SLC30A8: variants seen among roughly 807,000 people sequenced by gnomAD.
The protein encoded by SLC30A8 is solute carrier family 30 member 8.
A neutral mutation model predicts 36.9 loss-of-function variants in SLC30A8; 27 were observed. That is an observed-to-expected ratio of 0.73 (90% CI 0.54 to 1.01). The LOEUF (loss-of-function observed/expected upper bound fraction) is 1.01. Ranked by LOEUF, SLC30A8 falls within the 50% of genes least tolerant of loss-of-function variation. The pLI, the probability that SLC30A8 is intolerant of heterozygous loss-of-function variation, is 0.00. For synonymous variants in SLC30A8, 164 were observed against 172.4 expected, an observed-to-expected ratio of 0.95 and a Z score of 0.38; for missense variants, 439 against 452.0, an observed-to-expected ratio of 0.97 and a Z score of 0.26.
chr8:117,040,272 A>G (rs766142995), intron 2 of SLC30A8, among the ~76,000 whole-genome samples: 6 of 152,154 alleles, frequency 3.9e-5, no homozygotes, highest in Non-Finnish European at 7.3e-5. Flanking sequence ...TAGTGAGTTT[A>G]ATTACTGGAA....
intron 1 of SLC30A8, among the ~76,000 whole-genome samples, chr8:116,966,460 A>G (rs1356237527): frequency 6.6e-6 from 1 of 152,196 alleles, no homozygotes; most frequent in Admixed American, 6.5e-5. Flanking sequence ...CCTATGAGAC[A>G]GAAGCAGGGA....
intron 2 of SLC30A8, among the ~76,000 whole-genome samples, chr8:117,109,248 A>G (rs1820124827): frequency 6.6e-6 from 1 of 152,172 alleles, no homozygotes; most frequent in African/African-American, 2.4e-5. Flanking sequence ...ATAATGGGGT[A>G]GGCATTATTC....
intron 2 of SLC30A8, chr8:117,128,445 TTG>T (rs972646121): frequency 6.6e-6 from 1 of 151,306 alleles, no homozygotes; most frequent in Non-Finnish European, 1.5e-5. Context: ...TTGTGTGTGC[TTG>T]TGTGTGCGCA....
At position 117,064,296 on chromosome 8, in the gene SLC30A8, T is replaced by G. The variant is rs1036229536; in HGVS notation, c.-226+25038T>G. ...CAGTCATGAGCCACTGGGTCTGACC[T>G]AAAATCCTTGATGTAGAGTGTTTAT... On this transcript the variant is annotated intron_variant, in intron 2 of 10. Coordinates refer to the SLC30A8 transcript ENST00000427715. Among the ~76,000 whole-genome samples the G allele has an allele frequency of 4.6e-5, 7 of 152,132 alleles. 1 individual carries two copies. The highest frequency in any genetic ancestry group is 4.6e-4 in the Admixed American group (7 of 15,268).
At chr8:117,135,792 A>T (rs1821333518) in intron 1 of SLC30A8, among the ~76,000 whole-genome samples, 2 of 152,072 alleles carry the variant, frequency 1.3e-5, no homozygotes, top group Non-Finnish European at 1.5e-5. Context: ...GGTTGTATTG[A>T]TCTTAAAATG....
At chr8:116,988,686 T>C (rs796192090) in intron 1 of SLC30A8, among the ~76,000 whole-genome samples, 52 of 152,376 alleles carry the variant, frequency 3.4e-4, no homozygotes, top group African/African-American at 1.0e-3. Context: ...TAATATTGTT[T>C]ATTCAGCAAG....
chr8:117,120,764 T>C (rs1049445350), intron 2 of SLC30A8, among the ~76,000 whole-genome samples: 1 of 151,322 alleles, frequency 6.6e-6, no homozygotes, highest in Non-Finnish European at 1.5e-5. Flanking sequence ...AACTCTAAAA[T>C]CAACAAAAAC....
Position 117,147,032 on chromosome 8 carries a change from G to A in SLC30A8, c.150G>A (p.Met50Ile), listed in dbSNP as rs746582624. ...CAGAGGAGCTGGAGTCAGGAGGCAT[G>A]TACCACTGCCACAGTGGCTCCAAGC... ...ERPEELESGG[M>I]YHCHSGSKPT... is the part of the protein sequence containing the mutation. Residue 50 changes from methionine (M) to isoleucine (I), a missense_variant, in exon 2 of 8, where the codon ATG becomes ATA. Coordinates refer to ENST00000456015, the MANE Select transcript of SLC30A8 (RefSeq NM_173851.3). The A allele has an allele frequency of 8.7e-6, 14 of 1,613,992 alleles. No homozygotes were observed. Among genetic ancestry groups the A allele is most frequent in the Non-Finnish European group, 1.1e-5 (13 of 1,179,978 alleles).
At chr8:117,012,388 A>C (rs922293464) in intron 1 of SLC30A8, among the ~76,000 whole-genome samples, 1 of 152,022 alleles carries the variant, frequency 6.6e-6, no homozygotes, top group Non-Finnish European at 1.5e-5. Flanking sequence ...TTCCCAGTGA[A>C]GTCAACCAGT....
intron 1 of SLC30A8, among the ~76,000 whole-genome samples, chr8:116,957,263 TTTTTTTA>T (rs1308049262): frequency 1.1e-4 from 17 of 152,042 alleles, no homozygotes; most frequent in Admixed American, 6.6e-4. Context: ...GCACCATTCT[TTTTTTTA>T]TTTTTTATTT....
intron 2 of SLC30A8, among the ~76,000 whole-genome samples, chr8:117,057,969 G>A (rs986970933): frequency 2.0e-5 from 3 of 152,258 alleles, no homozygotes; most frequent in African/African-American, 7.2e-5. Context: ...ATTCCATACT[G>A]TTTTTCATAG....
intron 1 of SLC30A8, among the ~76,000 whole-genome samples, chr8:117,144,809 A>G (rs1446751147): frequency 6.6e-6 from 1 of 152,152 alleles, no homozygotes; most frequent in Admixed American, 6.6e-5. Context: ...TGGTTTAGGT[A>G]GAATTTTCCC....
intron 2 of SLC30A8, among the ~76,000 whole-genome samples, chr8:117,058,411 T>G (rs1403895109): frequency 2.0e-5 from 3 of 152,232 alleles, no homozygotes; most frequent in African/African-American, 7.2e-5. Flanking sequence ...CTGTTTTTGC[T>G]TTTATTGCCT....
chr8:117,028,129 G>A (rs766051981), intron 1 of SLC30A8, among the ~76,000 whole-genome samples: 3 of 152,136 alleles, frequency 2.0e-5, no homozygotes, highest in Non-Finnish European at 4.4e-5. Flanking sequence ...GAAAGAAGTG[G>A]AGAAAGAGAG....
intron 1 of SLC30A8, among the ~76,000 whole-genome samples, chr8:117,006,396 T>G (rs972956393): frequency 7.9e-5 from 12 of 152,200 alleles, no homozygotes; most frequent in Non-Finnish European, 1.5e-4. Flanking sequence ...CACCCTGCTC[T>G]TCCCAAAACA....
intron 2 of SLC30A8, among the ~76,000 whole-genome samples, chr8:117,077,738 A>G (rs1275678922): frequency 6.6e-6 from 1 of 152,228 alleles, no homozygotes; most frequent in Non-Finnish European, 1.5e-5. Context: ...CAGCTTGGAA[A>G]AAAATCCTGG....
intron 1 of SLC30A8, among the ~76,000 whole-genome samples, chr8:116,990,452 C>A (rs1815596045): frequency 6.6e-6 from 1 of 152,064 alleles, no homozygotes; most frequent in Admixed American, 6.6e-5. Context: ...TGTATTTCTC[C>A]CTAAAACTTA....
At chr8:117,019,829 T>A (rs1371505679) in intron 1 of SLC30A8, among the ~76,000 whole-genome samples, 1 of 152,190 alleles carries the variant, frequency 6.6e-6, no homozygotes, top group Non-Finnish European at 1.5e-5. Flanking sequence ...AAGATTTGTT[T>A]TGAGAACTGC....
chr8:116,959,429 TCAA>T (rs1304673623), intron 1 of SLC30A8, among the ~76,000 whole-genome samples: 7 of 152,340 alleles, frequency 4.6e-5, no homozygotes, highest in African/African-American at 1.7e-4. Context: ...TAGATTGGCT[TCAA>T]TTGATCGATT....
Sources: gnomAD v4.1 joint callset for allele counts (sites outside exome capture counted in the v4.1 genomes callset) on GRCh38, gnomAD v4.1.1 for gene constraint, MANE v1.5 for transcripts, NCBI Gene and HGNC (gene_info 2026-07-23, HGNC 2026-07-21) for gene names.